The following ARB2A variants were observed in gnomAD, a reference collection of about 807,000 sequenced individuals.
ARB2A encodes the protein cotranscriptional regulator ARB2A.
chr5:93,926,425 G>A, the ARB2A span, among the ~76,000 whole-genome samples: 1 of 152,058 alleles, frequency 6.6e-6, no homozygotes, highest in Admixed American at 6.5e-5. Context: ...GAGCCACCGT[G>A]CCCGGCCTAT....
chr5:93,671,991 G>C, the ARB2A span, among the ~76,000 whole-genome samples: 22 of 152,268 alleles, frequency 1.4e-4, no homozygotes, highest in Admixed American at 1.2e-3. Context: ...TTGAGGAATG[G>C]CTGAGTGAGT....
At chr5:93,980,555 T>A in the ARB2A span, among the ~76,000 whole-genome samples, 2 of 152,192 alleles carry the variant, frequency 1.3e-5, no homozygotes, top group Non-Finnish European at 2.9e-5. Context: ...CTAGAACTCC[T>A]ATTAATACAT....
the ARB2A span, among the ~76,000 whole-genome samples, chr5:93,826,125 T>C: frequency 6.6e-6 from 1 of 152,260 alleles, no homozygotes; most frequent in Non-Finnish European, 1.5e-5. Context: ...TGACATATTG[T>C]GGTTAAAGCC....
chr5:93,914,224 A>G, the ARB2A span, among the ~76,000 whole-genome samples: 1 of 151,952 alleles, frequency 6.6e-6, no homozygotes, highest in East Asian at 1.9e-4. Context: ...GAATTCTGTA[A>G]CCATGGCTAA....
the ARB2A span, among the ~76,000 whole-genome samples, chr5:93,784,982 G>A: frequency 2.6e-5 from 4 of 152,144 alleles, no homozygotes; most frequent in African/African-American, 9.7e-5. Context: ...CCATGGCCTT[G>A]TAATTCCTTG....
At chr5:93,844,877 C>A in the ARB2A span, among the ~76,000 whole-genome samples, 1 of 152,204 alleles carries the variant, frequency 6.6e-6, no homozygotes, top group East Asian at 1.9e-4. Flanking sequence ...TTCCTAACCA[C>A]ATACTGTTGA....
the ARB2A span, among the ~76,000 whole-genome samples, chr5:93,744,330 G>A: frequency 6.7e-6 from 1 of 150,258 alleles, no homozygotes; most frequent in Non-Finnish European, 1.5e-5. Flanking sequence ...AGCTACTCAG[G>A]AGGCTGAGGC....
chr5:93,620,988 T>C, the ARB2A span: 1 of 1,608,638 alleles, frequency 6.2e-7, no homozygotes. Flanking sequence ...TCGCTCCTCT[T>C]ACAGCTCTTC....
At chr5:94,016,533 C>T in the ARB2A span, among the ~76,000 whole-genome samples, 2 of 152,136 alleles carry the variant, frequency 1.3e-5, no homozygotes, top group East Asian at 3.9e-4. Flanking sequence ...TGTCTTGTCC[C>T]TCCTTTGTAT....
chr5:93,618,726 T>C, the ARB2A span: 1 of 152,176 alleles, frequency 6.6e-6, no homozygotes, highest in Non-Finnish European at 1.5e-5. Flanking sequence ...GAAATTACAT[T>C]TACACAACTT....
the ARB2A span, among the ~76,000 whole-genome samples, chr5:93,758,533 A>C: frequency 1.3e-5 from 2 of 152,222 alleles, no homozygotes; most frequent in African/African-American, 4.8e-5. Flanking sequence ...GAAAGAAATT[A>C]TATCAAGCAC....
chr5:93,745,831 C>G, the ARB2A span, among the ~76,000 whole-genome samples: 2 of 151,806 alleles, frequency 1.3e-5, no homozygotes, highest in African/African-American at 4.8e-5. Context: ...TTAGCACTGA[C>G]CAGGCATTCT....
At chr5:94,100,929 G>A in the ARB2A span, among the ~76,000 whole-genome samples, 4 of 151,922 alleles carry the variant, frequency 2.6e-5, no homozygotes, top group Non-Finnish European at 4.4e-5. Context: ...AAGCAAAAAC[G>A]GACAAATGGG....
the ARB2A span, among the ~76,000 whole-genome samples, chr5:93,724,121 C>T: frequency 6.7e-6 from 1 of 148,316 alleles, no homozygotes; most frequent in Non-Finnish European, 1.5e-5. Context: ...GACACTGACA[C>T]TTTTTTTTTT....
the ARB2A span, chr5:93,881,296 T>G: frequency 1.6e-4 from 79 of 488,068 alleles, no homozygotes; most frequent in East Asian, 2.3e-3. Flanking sequence ...ATAAGAATGA[T>G]GCGTTTTGTA....
At chr5:93,637,012 T>C in the ARB2A span, among the ~76,000 whole-genome samples, 6 of 152,188 alleles carry the variant, frequency 3.9e-5, no homozygotes, top group Non-Finnish European at 5.9e-5. Context: ...ATTTAAGATA[T>C]AGAACATTTC....
chr5:93,915,601 A>G, the ARB2A span, among the ~76,000 whole-genome samples: 1 of 152,044 alleles, frequency 6.6e-6, no homozygotes, highest in Non-Finnish European at 1.5e-5. Flanking sequence ...GAAATGAAAT[A>G]AAACTGAAGA....
the ARB2A span, among the ~76,000 whole-genome samples, chr5:93,676,864 T>C: frequency 1.3e-5 from 2 of 152,154 alleles, no homozygotes; most frequent in South Asian, 4.1e-4. Flanking sequence ...TTTTTGGTGC[T>C]CAATGACTGC....
the ARB2A span, among the ~76,000 whole-genome samples, chr5:94,035,667 G>C: frequency 1.3e-5 from 2 of 152,074 alleles, no homozygotes; most frequent in South Asian, 4.1e-4. Context: ...GGAATACTAT[G>C]CAGCCATAAT....
Sources: allele counts gnomAD v4.1 joint callset (sites outside exome capture counted in the v4.1 genomes callset), GRCh38; gene constraint gnomAD v4.1.1; transcripts MANE v1.5; gene names NCBI Gene and HGNC (gene_info 2026-07-23, HGNC 2026-07-21).